Variants in ZFPL1 observed in about 807,000 individuals in gnomAD.
ZFPL1 encodes the protein zinc finger protein-like 1.
ZFPL1 carries 28 observed loss-of-function variants against 32.0 expected under a neutral mutation model. The ratio of observed to expected loss-of-function variants is 0.87; its 90% CI spans 0.65 to 1.20. The LOEUF is 1.20. ZFPL1 is among the 50% of genes most tolerant of loss of function. The probability of loss-of-function intolerance (pLI) is 0.00; values close to 1 mark genes in which losing one functional copy is unlikely to be tolerated. For missense variants in ZFPL1, 386 were observed against 424.8 expected (o/e 0.91, Z 0.80); for synonymous variants, 165 against 177.0 (o/e 0.93, Z 0.54).
chr11:65,087,494 G>A (rs765179724), intron 7 of ZFPL1, 61 bp downstream of exon 7: 10 of 1,485,500 alleles, frequency 6.7e-6, no homozygotes, highest in African/African-American at 1.4e-5. Flanking sequence ...GGGAGCCAGA[G>A]GTCCTGGAAG....
chr11:65,086,743 GC>G lies in ZFPL1; in HGVS notation c.435del (p.Glu146SerfsTer25). 6.2e-7 allele frequency: 1 copy of G among 1,614,226 alleles called. No homozygotes were observed. The highest frequency in any genetic ancestry group is 8.5e-7 in the Non-Finnish European group (1 of 1,180,042). On this transcript the variant is annotated frameshift_variant, in exon 5 of 8. Transcript: ENST00000294258. LOFTEE classifies it high-confidence loss of function. ...PLIDEVVSPE[P>X]EPLNTSDFSD... is the part of the protein sequence containing the mutation. ...AGATCGATGAGGTGGTGAGCCCAGAGCCCGAGCCCCTCAACACGTCTGACTT... is the reference window on the plus strand; with the variant it reads ...AGATCGATGAGGTGGTGAGCCCAGAGCCGAGCCCCTCAACACGTCTGACTT...
intron 3 of ZFPL1, chr11:65,085,491 A>C (rs1947668105): frequency 3.9e-6 from 2 of 514,706 alleles, no homozygotes; most frequent in Non-Finnish European, 7.1e-6. Context: ...TTTCAGCGAG[A>C]ACCAGTCAAG....
intron 5 of ZFPL1, 33 bp from the exon 6 acceptor site, chr11:65,086,895 T>G: frequency 6.2e-7 from 1 of 1,613,228 alleles, no homozygotes; most frequent in Non-Finnish European, 8.5e-7. Context: ...CTCTATGCAC[T>G]GCTTCTGCTG....
At chr11:65,085,464 C>G in intron 3 of ZFPL1, 1 of 550,240 alleles carries the variant, frequency 1.8e-6, no homozygotes, top group Non-Finnish European at 3.3e-6. Flanking sequence ...AAAAATTAAG[C>G]CCTGCCAATC....
Position 65,084,751 on chromosome 11 carries a change from A to G in ZFPL1, c.53A>G (p.Glu18Gly), listed in dbSNP as rs1194416976. ...KRKVTNLFCF[E>G]HRVNVCEHCL... ...AAGGTGACCAACCTGTTCTGCTTCG[A>G]ACATCGGGTCAACGTCTGCGAGCAC... The change falls in exon 2 of 8, where the codon GAA (glutamate) becomes GGA (glycine). Residue 18 changes from glutamate to glycine, a missense_variant. Physicochemically the swap from Glu to Gly is moderately conservative, Grantham distance 98 (BLOSUM62 -2). Transcript: ENST00000294258. The G allele has an allele frequency of 6.2e-7, 1 of 1,614,128 alleles. No individual in the cohort carries two copies. The highest frequency in any genetic ancestry group is 1.1e-5 in the South Asian group (1 of 91,086).
Position 65,086,745 on chromosome 11 carries a change from C to T in ZFPL1, c.434C>T (p.Pro145Leu), listed in dbSNP as rs1947683747. Residue 145 changes from proline (P) to leucine (L), a missense_variant, in exon 5 of 8, where the codon CCC (proline) becomes CTC (leucine). Coordinates refer to ENST00000294258, the MANE Select transcript of ZFPL1 (RefSeq NM_006782.4). ...PLIDEVVSPEPEPLNTSDFSD... is the reference protein window; with the variant it reads ...PLIDEVVSPELEPLNTSDFSD... ...ATCGATGAGGTGGTGAGCCCAGAGC[C>T]CGAGCCCCTCAACACGTCTGACTTC... 3.7e-6 allele frequency: 6 copies of T among 1,614,108 alleles called. No homozygotes were observed. In the South Asian group the frequency reaches 5.5e-5, roughly 15 times the overall value.
intron 3 of ZFPL1, chr11:65,086,001 T>G: frequency 9.7e-6 from 2 of 205,780 alleles, no homozygotes; most frequent in Non-Finnish European, 1.0e-5. Context: ...TTGTGTTTGA[T>G]TATGTGCTTA....
At chr11:65,087,164 C>T (rs543614504) in intron 6 of ZFPL1, 90 bp downstream of exon 6, 69 of 1,563,116 alleles carry the variant, frequency 4.4e-5, no homozygotes, top group African/African-American at 2.6e-4. Context: ...GAGACCCACC[C>T]GGAGGAACCT....
At chr11:65,085,896 G>T (rs558798891) in intron 3 of ZFPL1, 37 of 198,800 alleles carry the variant, frequency 1.9e-4, no homozygotes, top group Non-Finnish European at 3.2e-4. Context: ...GCAAGAGAAT[G>T]CATGGTTGAG....
rs115958106 is a variant in ZFPL1, at chr11:65,087,770, C to T, written c.747-158C>T. 3.0e-3 allele frequency: 2,358 copies of T among 774,498 alleles called. 40 individuals are homozygous for T. In the African/African-American group the frequency reaches 0.036, roughly 12 times the overall value. The allele number at this position is 774,498 out of a possible 1,614,324, so 48.0% of individuals were successfully genotyped here. A position where few individuals can be genotyped will look rare whatever the true frequency, so the allele number is the denominator to read the frequency against. On this transcript the variant is annotated intron_variant, in intron 7 of 7. Coordinates refer to ENST00000294258, the MANE Select transcript of ZFPL1 (RefSeq NM_006782.4). ...CGTGCGCCTCAGCTGGTTTGAGCTG[C>T]ACAATAACGCCCTATGGTGGCAGGT... is the stretch of plus-strand genomic sequence containing the variant.
chr11:65,085,897 C>T (rs917589979), intron 3 of ZFPL1: 4 of 198,020 alleles, frequency 2.0e-5, no homozygotes, highest in African/African-American at 9.5e-5. Context: ...CAAGAGAATG[C>T]ATGGTTGAGG....
At position 65,088,306 on chromosome 11, in the gene ZFPL1, G is replaced by T; in HGVS notation, c.*192G>T. ...TGGAGTCCCCGTGGGTCAAGCATTT[G>T]TCTTGACTTGCTTTCCTCCCGGGTC... On this transcript the variant is annotated 3_prime_UTR_variant, in exon 8 of 8. Transcript: ENST00000294258. 1 of 1,110,242 alleles carries T rather than the reference G, an allele frequency of 9.0e-7. No homozygotes were observed. Among genetic ancestry groups the T allele is most frequent in the South Asian group, 1.4e-5 (1 of 72,000 alleles). 68.8% of individuals were successfully genotyped at this position (1,110,242 alleles called of 1,614,324 possible). A position where few individuals can be genotyped will look rare whatever the true frequency, so the allele number is the denominator to read the frequency against.
chr11:65,088,254 T>A lies in ZFPL1; in HGVS notation c.*140T>A. On this transcript the variant is annotated 3_prime_UTR_variant, in exon 8 of 8. Transcript: ENST00000294258. ...CTAAGACCCCAGACCCAAAGCCAAG[T>A]CCACCAGAGTGGCTGCAGGCCAGGC... The A allele has an allele frequency of 8.3e-7, 1 of 1,198,740 alleles. No individual in the cohort carries two copies. Among genetic ancestry groups the A allele is most frequent in the Non-Finnish European group, 1.2e-6 (1 of 857,354 alleles). 74.3% of individuals were successfully genotyped at this position (1,198,740 alleles called of 1,614,324 possible).
At position 65,084,674 on chromosome 11, in the gene ZFPL1, T is replaced by A; in HGVS notation, c.-8-17T>A. The stretch of plus-strand genomic sequence containing the variant: ...CACCAGAACCTGACTTCCTACCAAC[T>A]CATGCCCCTTTCCCAGGATCGATCA... On this transcript the variant is annotated splice_polypyrimidine_tract_variant and intron_variant, in intron 1 of 7. Coordinates refer to ENST00000294258, the MANE Select transcript of ZFPL1 (RefSeq NM_006782.4). 1 of 1,612,240 alleles carries A rather than the reference T, an allele frequency of 6.2e-7. No homozygotes were observed. The highest frequency in any genetic ancestry group is 8.5e-7 in the Non-Finnish European group (1 of 1,178,494).
rs774533778 is a variant in ZFPL1, at chr11:65,087,932, C to T, written c.751C>T (p.Arg251Trp). Residue 251 changes from arginine to tryptophan, a missense_variant, in exon 8 of 8, where the codon CGG becomes TGG. By Grantham distance (101) the Arg-to-Trp change is moderately radical (BLOSUM62 -3). Transcript: ENST00000294258. ...LGWLARLLRS[R>W]AGSRKRPLTL... ...ATTTTCCCCTCATCCCCCCAGGAGC[C>T]GGGCTGGGTCTCGGAAGCGGCCGCT... is the stretch of plus-strand genomic sequence containing the variant. 18 of 1,560,454 alleles carry T rather than the reference C, an allele frequency of 1.2e-5. No homozygotes were observed. Among genetic ancestry groups the T allele is most frequent in the Middle Eastern group, 1.9e-4 (1 of 5,226 alleles).
intron 7 of ZFPL1, 87 bp from the exon 8 acceptor site, chr11:65,087,841 A>G: frequency 2.2e-6 from 3 of 1,365,216 alleles, no homozygotes; most frequent in Non-Finnish European, 2.9e-6. Flanking sequence ...ATGGAGGCTC[A>G]GGAATGGGTG....
In ZFPL1 at chr11:65,084,809, T is replaced by G. The variant is rs368535230; in HGVS notation, c.102+9T>G. On this transcript the variant is annotated intron_variant, in intron 2 of 7. Transcript: ENST00000294258. The stretch of plus-strand genomic sequence containing the variant: ...TAGCCAATCACGCCAAGGTGGGGCC[T>G]TCAGGGGAGCGACTGAGCAGGGCAC... The G allele has an allele frequency of 6.2e-7, 1 of 1,613,846 alleles. No homozygotes were observed. Among genetic ancestry groups the G allele is most frequent in the Non-Finnish European group, 8.5e-7 (1 of 1,180,002 alleles).
chr11:65,087,257 C>CT (rs1947689047), intron 6 of ZFPL1, 59 bp from the exon 7 acceptor site: 1 of 1,589,210 alleles, frequency 6.3e-7, no homozygotes, highest in African/African-American at 1.3e-5. Context: ...ATCCCCCTAG[C>CT]CCTCCCCAAA....
At chr11:65,085,439 T>A in intron 3 of ZFPL1, 1 of 583,846 alleles carries the variant, frequency 1.7e-6, no homozygotes, top group East Asian at 2.9e-5. Context: ...TTAAAGCTCC[T>A]AGTTCCTCTT....
Sources: allele counts gnomAD v4.1 joint callset, GRCh38; gene constraint gnomAD v4.1.1; transcripts MANE v1.5; gene names NCBI Gene and HGNC (gene_info 2026-07-23, HGNC 2026-07-21).